The following ARRB1 variants were observed in gnomAD, a reference collection of about 807,000 sequenced individuals.
The protein encoded by ARRB1 is beta-arrestin-1.
In ARRB1, 21 loss-of-function variants were observed where a neutral mutation model predicts 56.8. The observed-to-expected ratio is 0.37, with a 90% CI of 0.26 to 0.53. The LOEUF is 0.53. Ranked by LOEUF, ARRB1 falls within the 20% of genes least tolerant of loss-of-function variation. The pLI, the probability that ARRB1 is intolerant of heterozygous loss-of-function variation, is 0.88. For missense variants in ARRB1, 424 were observed against 553.7 expected (o/e 0.77, Z 2.35); for synonymous variants, 210 against 218.6 (o/e 0.96, Z 0.35).
intron 1 of ARRB1, among the ~76,000 whole-genome samples, chr11:75,313,424 G>T (rs778007505): frequency 5.9e-5 from 9 of 152,344 alleles, no homozygotes; most frequent in Admixed American, 2.0e-4. Context: ...AAGGTTGGGG[G>T]CCCCTCAGCC....
intron 1 of ARRB1, among the ~76,000 whole-genome samples, chr11:75,322,873 C>T (rs527813412): frequency 6.6e-6 from 1 of 152,282 alleles, no homozygotes; most frequent in Non-Finnish European, 1.5e-5. Flanking sequence ...CTCAGGGTCT[C>T]AGTTTTCCCT....
rs1303379388 is a variant in ARRB1 at position 75,267,760 on chromosome 11, G to A, written c.1094-57C>T. 4 of 1,523,376 alleles carry A rather than the reference G, an allele frequency of 2.6e-6. No homozygotes were observed. In the African/African-American group the frequency reaches 4.1e-5, roughly 16 times the overall value. The allele number at this position is 1,523,376 out of a possible 1,614,324, so 94.4% of individuals were successfully genotyped here. A position where few individuals can be genotyped will look rare whatever the true frequency, so the allele number is the denominator to read the frequency against. ...GGGATTAGTGAGTGGATGAGCACGG[G>A]GCGAGTAAGCACAGGCCCCCACCCT... On this transcript the variant is annotated intron_variant, in intron 14 of 15. Coordinates refer to ENST00000420843, the MANE Select transcript of ARRB1 (RefSeq NM_004041.5).
intron 1 of ARRB1, among the ~76,000 whole-genome samples, chr11:75,304,407 C>T (rs1267827343): frequency 6.6e-6 from 1 of 151,762 alleles, no homozygotes; most frequent in Non-Finnish European, 1.5e-5. Flanking sequence ...GCCTAAGGTG[C>T]CAGCTTTTTC....
intron 7 of ARRB1, among the ~76,000 whole-genome samples, chr11:75,279,045 C>T (rs1419100508): frequency 6.6e-6 from 1 of 152,216 alleles, no homozygotes; most frequent in Non-Finnish European, 1.5e-5. Flanking sequence ...AAATAGGTAA[C>T]ATTGTCACTT....
At chr11:75,272,784 G>T in intron 12 of ARRB1, 111 bp downstream of exon 12, 3 of 1,002,022 alleles carry the variant, frequency 3.0e-6, no homozygotes, top group South Asian at 2.8e-5. Context: ...CCTCCTCCAA[G>T]GTGGATGCAG....
chr11:75,271,985 T>C (rs35895385), intron 12 of ARRB1, among the ~76,000 whole-genome samples: 1 of 152,150 alleles, frequency 6.6e-6, no homozygotes, highest in African/African-American at 2.4e-5. Context: ...GTCAAGGCAG[T>C]GTAAAAATTA....
At chr11:75,310,859 CAG>C (rs1476288167) in intron 1 of ARRB1, among the ~76,000 whole-genome samples, 3 of 152,196 alleles carry the variant, frequency 2.0e-5, no homozygotes, top group Non-Finnish European at 2.9e-5. Flanking sequence ...CAACTTTGTA[CAG>C]GCCAGACCCC....
chr11:75,270,692 C>T (rs1946057768), intron 13 of ARRB1, among the ~76,000 whole-genome samples: 1 of 151,608 alleles, frequency 6.6e-6, no homozygotes, highest in South Asian at 2.1e-4. Flanking sequence ...ACTCAGGAGG[C>T]TGAGTTGGGA....
intron 1 of ARRB1, among the ~76,000 whole-genome samples, chr11:75,325,560 T>C (rs1489182460): frequency 1.3e-5 from 2 of 152,198 alleles, no homozygotes; most frequent in Non-Finnish European, 2.9e-5. Flanking sequence ...TGACCTCAAG[T>C]GATCTACCTG....
intron 1 of ARRB1, among the ~76,000 whole-genome samples, chr11:75,349,297 G>A (rs1274945390): frequency 6.6e-6 from 1 of 152,184 alleles, no homozygotes; most frequent in Non-Finnish European, 1.5e-5. Flanking sequence ...GTAAGTACAA[G>A]GGAAGCCCTA....
intron 1 of ARRB1, among the ~76,000 whole-genome samples, chr11:75,332,653 T>C (rs1051252493): frequency 1.9e-4 from 29 of 152,288 alleles, no homozygotes; most frequent in African/African-American, 6.3e-4. Flanking sequence ...TCCCAGCACT[T>C]TGGGAGGCCG....
intron 1 of ARRB1, among the ~76,000 whole-genome samples, chr11:75,301,381 C>T (rs985136573): frequency 2.0e-5 from 3 of 152,166 alleles, no homozygotes; most frequent in Non-Finnish European, 4.4e-5. Context: ...CAGAGAATCA[C>T]GGAGCACCTC....
At chr11:75,316,458 G>T (rs566715864) in intron 1 of ARRB1, among the ~76,000 whole-genome samples, 2 of 152,190 alleles carry the variant, frequency 1.3e-5, no homozygotes, top group African/African-American at 4.8e-5. Context: ...CTAGGCTAGA[G>T]GAACTCCTAA....
At chr11:75,349,558 A>G (rs1254928794) in intron 1 of ARRB1, among the ~76,000 whole-genome samples, 1 of 152,240 alleles carries the variant, frequency 6.6e-6, no homozygotes, top group Non-Finnish European at 1.5e-5. Flanking sequence ...AGAGGTACAG[A>G]GAGACCCAAG....
rs1382981850 is a variant in ARRB1, at chr11:75,264,799, G to A, written c.*1364C>T. 1 of 152,232 alleles carries A rather than the reference G, an allele frequency of 6.6e-6. No homozygotes were observed. The highest frequency in any genetic ancestry group is 1.9e-4 in the East Asian group (1 of 5,200). 9.4% of individuals were successfully genotyped at this position (152,232 alleles called of 1,614,324 possible). A position where few individuals can be genotyped will look rare whatever the true frequency, so the allele number is the denominator to read the frequency against. The stretch of plus-strand genomic sequence containing the variant: ...GAAACTGAGGCCCAGAGTGGGGAAG[G>A]AACTTGCCCAAAGTCACACAGTAAG... On this transcript the variant is annotated 3_prime_UTR_variant, in exon 16 of 16. Transcript: ENST00000420843.
chr11:75,342,324 A>C (rs1591992630), intron 1 of ARRB1, among the ~76,000 whole-genome samples: 1 of 149,876 alleles, frequency 6.7e-6, no homozygotes, highest in African/African-American at 2.5e-5. Context: ...TCACCACCTC[A>C]CCCCCCTTCC....
Position 75,263,191 on chromosome 11 carries a change from G to T in ARRB1, c.*2972C>A, listed in dbSNP as rs780842798. On this transcript the variant is annotated 3_prime_UTR_variant, in exon 16 of 16. Transcript: ENST00000420843. ...CCCCCACCCCTAGTTTCACTTCAAG[G>T]TATCACCTGGGCAGGCTGACTCCAG... 6.6e-6 allele frequency among the ~76,000 whole-genome samples: 1 copy of T among 152,322 alleles called. No homozygotes were observed. Among genetic ancestry groups the T allele is most frequent in the African/African-American group, 2.4e-5 (1 of 41,584 alleles).
At chr11:75,343,960 C>T (rs1947730158) in intron 1 of ARRB1, among the ~76,000 whole-genome samples, 4 of 152,038 alleles carry the variant, frequency 2.6e-5, no homozygotes, top group Admixed American at 2.0e-4. Flanking sequence ...GGACTACAGG[C>T]GCCCGCCACC....
At chr11:75,329,965 A>G (rs1186553072) in intron 1 of ARRB1, among the ~76,000 whole-genome samples, 1 of 151,764 alleles carries the variant, frequency 6.6e-6, no homozygotes, top group African/African-American at 2.4e-5. Context: ...GCACCACTGC[A>G]CTCTAGCCTG....
Sources: allele counts gnomAD v4.1 joint callset (sites outside exome capture counted in the v4.1 genomes callset), GRCh38; gene constraint gnomAD v4.1.1; transcripts MANE v1.5; gene names NCBI Gene and HGNC (gene_info 2026-07-23, HGNC 2026-07-21).